IPCEF1: variants seen among roughly 807,000 people sequenced by gnomAD.
IPCEF1 encodes interaction protein for cytohesin exchange factors 1.
Under a neutral mutation model 50.9 loss-of-function variants are expected in IPCEF1, and 31 were observed. The ratio of observed to expected loss-of-function variants is 0.61; its 90% CI spans 0.46 to 0.82. The LOEUF is 0.82. Ranked by LOEUF, IPCEF1 falls within the 40% of genes least tolerant of loss-of-function variation. IPCEF1 has a pLI of 0.00. For missense variants in IPCEF1, 458 were observed against 514.0 expected (o/e 0.89, Z 1.05); for synonymous variants, 181 against 192.0 (o/e 0.94, Z 0.47).
intron 10 of IPCEF1, among the ~76,000 whole-genome samples, chr6:154,184,895 C>G (rs1801202704): frequency 6.6e-6 from 1 of 151,058 alleles, no homozygotes; most frequent in Admixed American, 6.6e-5. Flanking sequence ...TCTTGCCTAC[C>G]CCTTTCAGAT....
intron 7 of IPCEF1, among the ~76,000 whole-genome samples, chr6:154,215,140 T>C (rs1256544591): frequency 2.0e-5 from 3 of 152,164 alleles, no homozygotes; most frequent in South Asian, 2.1e-4. Context: ...TTTGATGTCT[T>C]CCAGTCTCCC....
At chr6:154,161,063 A>G (rs1798975374) in intron 11 of IPCEF1, among the ~76,000 whole-genome samples, 1 of 152,018 alleles carries the variant, frequency 6.6e-6, no homozygotes, top group South Asian at 2.1e-4. Flanking sequence ...GCATTTTCTC[A>G]CCCACACAAC....
intron 5 of IPCEF1, among the ~76,000 whole-genome samples, chr6:154,229,479 A>G (rs1244929049): frequency 6.6e-6 from 1 of 150,640 alleles, no homozygotes; most frequent in Non-Finnish European, 1.5e-5. Context: ...CCTCCCGAGT[A>G]GCTGGGACTA....
chr6:154,253,042 A>C (rs928458231), intron 3 of IPCEF1, among the ~76,000 whole-genome samples: 2 of 152,108 alleles, frequency 1.3e-5, no homozygotes, highest in Non-Finnish European at 2.9e-5. Flanking sequence ...TTGATCATCC[A>C]TTTCTTTCTG....
At chr6:154,321,232 A>G (rs1783366907) in intron 1 of IPCEF1, among the ~76,000 whole-genome samples, 1 of 152,146 alleles carries the variant, frequency 6.6e-6, no homozygotes, top group Non-Finnish European at 1.5e-5. Context: ...TGCCCAGCCT[A>G]TATGTATATA....
chr6:154,311,640 A>G (rs1282616660), intron 1 of IPCEF1, among the ~76,000 whole-genome samples: 1 of 152,240 alleles, frequency 6.6e-6, no homozygotes, highest in Non-Finnish European at 1.5e-5. Context: ...ATCAGAATAG[A>G]TAGTTCCCAA....
At chr6:154,248,306 C>CGTGTGTGTGTGT (rs58415100) in intron 3 of IPCEF1, among the ~76,000 whole-genome samples, 1,872 of 147,318 alleles carry the variant, frequency 0.013, 20 homozygotes, top group East Asian at 0.031. Context: ...CTTTAAAATA[C>CGTGTGTGTGTGT]GTGTGTGTGT....
intron 2 of IPCEF1, among the ~76,000 whole-genome samples, chr6:154,275,103 T>A (rs1237326026): frequency 6.6e-6 from 1 of 152,138 alleles, no homozygotes; most frequent in Non-Finnish European, 1.5e-5. Context: ...CCAATGCAGA[T>A]AAAACACACC....
intron 1 of IPCEF1, among the ~76,000 whole-genome samples, chr6:154,353,312 T>C (rs1784149074): frequency 2.7e-5 from 4 of 150,348 alleles, no homozygotes. Context: ...TTTTTTTTTT[T>C]TGAGATGAAG....
intron 1 of IPCEF1, among the ~76,000 whole-genome samples, chr6:154,339,920 T>A (rs796342448): frequency 2.0e-5 from 3 of 151,654 alleles, no homozygotes; most frequent in African/African-American, 7.3e-5. Flanking sequence ...ATTTCAAGCA[T>A]GTTCAAGTTG....
chr6:154,255,822 G>T (rs1365414281), intron 3 of IPCEF1, among the ~76,000 whole-genome samples: 1 of 152,006 alleles, frequency 6.6e-6, no homozygotes, highest in Non-Finnish European at 1.5e-5. Context: ...TTGAGCTATT[G>T]CAAGAAAGGT....
chr6:154,206,163 T>G (rs1583795149), intron 9 of IPCEF1, among the ~76,000 whole-genome samples: 1 of 152,196 alleles, frequency 6.6e-6, no homozygotes, highest in Non-Finnish European at 1.5e-5. Flanking sequence ...GGGCAAGTGA[T>G]ATCCCATAAA....
intron 1 of IPCEF1, among the ~76,000 whole-genome samples, chr6:154,322,448 C>T (rs1328126317): frequency 1.3e-5 from 2 of 151,994 alleles, no homozygotes; most frequent in African/African-American, 4.8e-5. Context: ...TCACATACTT[C>T]TGCTATCATC....
At chr6:154,350,381 G>A (rs1465035094) in intron 1 of IPCEF1, among the ~76,000 whole-genome samples, 1 of 152,152 alleles carries the variant, frequency 6.6e-6, no homozygotes, top group Non-Finnish European at 1.5e-5. Flanking sequence ...ATTTATGAAA[G>A]AAAATCTTTT....
At chr6:154,192,318 CTGTGTGTG>C (rs56231733) in intron 10 of IPCEF1, among the ~76,000 whole-genome samples, 1,890 of 148,120 alleles carry the variant, frequency 0.013, 23 homozygotes, top group African/African-American at 0.031. Flanking sequence ...CACGTGGTTA[CTGTGTGTG>C]TGTGTGTGTG....
intron 1 of IPCEF1, among the ~76,000 whole-genome samples, chr6:154,309,278 T>C (rs530182432): frequency 6.6e-6 from 1 of 152,280 alleles, no homozygotes; most frequent in East Asian, 1.9e-4. Flanking sequence ...ATCACAAATT[T>C]GGATATATTT....
intron 9 of IPCEF1, among the ~76,000 whole-genome samples, chr6:154,204,351 C>G (rs1777312851): frequency 6.6e-6 from 1 of 152,092 alleles, no homozygotes; most frequent in South Asian, 2.1e-4. Flanking sequence ...AGTCAAAGTA[C>G]ATGGAAACAA....
chr6:154,346,224 A>G (rs1351115364), intron 1 of IPCEF1, among the ~76,000 whole-genome samples: 3 of 151,976 alleles, frequency 2.0e-5, no homozygotes, highest in Admixed American at 6.6e-5. Context: ...TCAAAATGTT[A>G]ACTATAATTA....
intron 10 of IPCEF1, among the ~76,000 whole-genome samples, chr6:154,197,584 A>G (rs1776715669): frequency 6.6e-6 from 1 of 152,258 alleles, no homozygotes; most frequent in Non-Finnish European, 1.5e-5. Context: ...ATGTAACTCA[A>G]AACTAAATAA....
Sources: allele counts gnomAD v4.1 joint callset (sites outside exome capture counted in the v4.1 genomes callset), GRCh38; gene constraint gnomAD v4.1.1; transcripts MANE v1.5; gene names NCBI Gene and HGNC (gene_info 2026-07-23, HGNC 2026-07-21).